The following BORCS8 variants were observed in gnomAD, a reference collection of about 807,000 sequenced individuals.
The protein encoded by BORCS8 is BLOC-1-related complex subunit 8.
BORCS8 carries 13 observed loss-of-function variants against 18.7 expected under a neutral mutation model. That is an observed-to-expected ratio of 0.70 (90% confidence interval 0.45 to 1.11). The LOEUF (loss-of-function observed/expected upper bound fraction) is 1.11, where lower values mean the gene tolerates loss of function less well. BORCS8 is among the 50% of genes least tolerant of loss of function. BORCS8 has a pLI of 0.00. For synonymous variants in BORCS8, 68 were observed against 64.8 expected, an observed-to-expected ratio of 1.05 and a Z score of -0.24; for missense variants, 165 against 165.7, an observed-to-expected ratio of 1.00 and a Z score of 0.02.
intron 1 of BORCS8, among the ~76,000 whole-genome samples, chr19:19,187,864 C>T (rs2060426102): frequency 6.8e-6 from 1 of 148,024 alleles, no homozygotes; most frequent in Non-Finnish European, 1.5e-5. Flanking sequence ...TTTTTAGAGA[C>T]AGGGTCTCGC....
rs61289082 is a variant in BORCS8, at chr19:19,177,679, AGG to A, written c.*43-221_*43-220del. The A allele has an allele frequency of 7.9e-3, 722 of 91,516 alleles. 20 individuals are homozygous for A. Among genetic ancestry groups the A allele is most frequent in the Middle Eastern group, 0.013 (3 of 228 alleles). 5.7% of individuals were successfully genotyped at this position (91,516 alleles called of 1,614,324 possible). On this transcript the variant is annotated intron_variant, in intron 5 of 5. Coordinates refer to ENST00000462790, the MANE Select transcript of BORCS8 (RefSeq NM_001145784.2). ...AAGGAAGGAAGGAAGGAAGGAAGGA[AGG>A]AAGGAAGGAAGGAAGAGAAAAGAAA...
rs2060300288 is a variant in BORCS8 at position 19,177,454 on chromosome 19, C to T, written c.*49G>A. 6.6e-6 allele frequency: 1 copy of T among 152,282 alleles called. No homozygotes were observed. Among genetic ancestry groups the T allele is most frequent in the Non-Finnish European group, 1.5e-5 (1 of 68,420 alleles). The allele number at this position is 152,282 out of a possible 1,614,324, so 9.4% of individuals were successfully genotyped here. ...ACCAGCCTAGCCAACATGGTGAAACCCCGTCTCTACAAAAAATACAAAAAA... is the reference window on the plus strand; with the variant it reads ...ACCAGCCTAGCCAACATGGTGAAACTCCGTCTCTACAAAAAATACAAAAAA... On this transcript the variant is annotated 3_prime_UTR_variant, in exon 6 of 6. Transcript: ENST00000462790.
Position 19,186,962 on chromosome 19 carries a change from C to T in BORCS8, c.81G>A (p.Glu27=). The change falls in exon 2 of 6, where the codon GAG becomes GAA. Residue 27 remains glutamate (E), a synonymous_variant. Coordinates refer to ENST00000462790, the MANE Select transcript of BORCS8 (RefSeq NM_001145784.2). ...GCAGCCGGTACAGGGCCACGGATGG[C>T]TCGTTGGCCAGGACGTAGACGCTCT... is the stretch of plus-strand genomic sequence containing the variant. ...FTESVYVLAN[E]PSVALYRLQE... The T allele has an allele frequency of 6.4e-7, 1 of 1,551,404 alleles. No individual in the cohort carries two copies. The highest frequency in any genetic ancestry group is 1.2e-5 in the South Asian group (1 of 84,056).
chr19:19,191,725 G>A (rs1174332931), intron 1 of BORCS8, among the ~76,000 whole-genome samples: 2 of 151,944 alleles, frequency 1.3e-5, no homozygotes, highest in East Asian at 3.9e-4. Flanking sequence ...GACCACAGGC[G>A]TGCGCCACCA....
chr19:19,182,569 CT>C lies in BORCS8; in HGVS notation c.326+3del. The stretch of plus-strand genomic sequence containing the variant: ...CAGTGGGGGCGGGCGGTCCCAGGAG[CT>C]ACCTGTGGCCCTGGGCACTGGCATT... On this transcript the variant is annotated splice_donor_region_variant and intron_variant, in intron 4 of 5. Coordinates refer to ENST00000462790, the MANE Select transcript of BORCS8 (RefSeq NM_001145784.2). This position sits in a 1 kb window ranked among gnomAD's most constrained non-coding sequence, Gnocchi z 4.1. The C allele has an allele frequency of 6.5e-7, 1 of 1,549,992 alleles. No individual in the cohort carries two copies.
intron 1 of BORCS8, among the ~76,000 whole-genome samples, chr19:19,190,799 AAAG>A (rs368376764): frequency 3.7e-4 from 57 of 152,254 alleles, no homozygotes; most frequent in African/African-American, 7.5e-4. Context: ...AAATAAAAAA[AAAG>A]AAGAAGAAAG....
intron 1 of BORCS8, 22 bp downstream of exon 1, chr19:19,192,059 C>T (rs900775251): frequency 2.2e-4 from 334 of 1,551,398 alleles, no homozygotes; most frequent in Non-Finnish European, 2.7e-4. Context: ...CCCCCTCTGT[C>T]CCGCCCGCAG....
At chr19:19,188,308 A>G (rs748229922) in intron 1 of BORCS8, among the ~76,000 whole-genome samples, 72 of 151,212 alleles carry the variant, frequency 4.8e-4, no homozygotes, top group Non-Finnish European at 7.7e-4. Flanking sequence ...GATTACAGGC[A>G]TGAGCCACCG....
rs150994069 is a variant in BORCS8 at position 19,184,131 on chromosome 19, T to G, written c.216-1448A>C. ...TCCTGCCGCAAGTGATCTGCCCACC[T>G]CGGCCTCCCAAAGTGCTGGGATTAC... On this transcript the variant is annotated intron_variant, in intron 3 of 5. Transcript: ENST00000462790. Among the ~76,000 whole-genome samples, 185 of 152,050 alleles carry G rather than the reference T, an allele frequency of 1.2e-3. 1 individual carries two copies. Among genetic ancestry groups the G allele is most frequent in the African/African-American group, 4.3e-3 (180 of 41,480 alleles).
intron 3 of BORCS8, 84 bp downstream of exon 3, chr19:19,185,950 G>T: frequency 7.3e-7 from 1 of 1,377,946 alleles, no homozygotes; most frequent in Non-Finnish European, 1.0e-6. Flanking sequence ...GGGCTTACTG[G>T]GCAGTTGGCT....
chr19:19,189,672 T>C (rs1041630957), intron 1 of BORCS8, among the ~76,000 whole-genome samples: 7 of 152,232 alleles, frequency 4.6e-5, no homozygotes, highest in Admixed American at 3.3e-4. Flanking sequence ...ACGCCTGTAA[T>C]CCCAGCACTT....
chr19:19,191,854 C>T (rs781217072), intron 1 of BORCS8, among the ~76,000 whole-genome samples: 3 of 152,218 alleles, frequency 2.0e-5, no homozygotes, highest in Non-Finnish European at 4.4e-5. Flanking sequence ...TACAAAGCCA[C>T]CACTCCCAGC....
In BORCS8 at chr19:19,182,454, C is replaced by A; in HGVS notation, c.326+119G>T. On this transcript the variant is annotated intron_variant, in intron 4 of 5. Transcript: ENST00000462790. This position sits in a 1 kb window ranked among gnomAD's most constrained non-coding sequence, Gnocchi z 4.1. ...CAGGACAAGAGGAGGTCACCAGACA[C>A]CAGGACAAAAGGAAAGAGACAGTTT... The A allele has an allele frequency of 6.9e-7, 1 of 1,452,324 alleles. No homozygotes were observed. The highest frequency in any genetic ancestry group is 9.1e-7 in the Non-Finnish European group (1 of 1,103,280). The allele number at this position is 1,452,324 out of a possible 1,614,324, so 90.0% of individuals were successfully genotyped here. A position where few individuals can be genotyped will look rare whatever the true frequency, so the allele number is the denominator to read the frequency against.
At chr19:19,188,257 C>T (rs1039854942) in intron 1 of BORCS8, among the ~76,000 whole-genome samples, 2 of 151,788 alleles carry the variant, frequency 1.3e-5, no homozygotes, top group Non-Finnish European at 2.9e-5. Context: ...TCTCGATCTC[C>T]TGACCTCGTG....
chr19:19,178,855 G>A (rs2060324675), intron 5 of BORCS8: 1 of 152,122 alleles, frequency 6.6e-6, no homozygotes, highest in East Asian at 1.9e-4. Flanking sequence ...ACCTACTCGG[G>A]AGGCTGAAGC....
chr19:19,177,743 G>GA (rs2060313554), intron 5 of BORCS8: 1 of 168,358 alleles, frequency 5.9e-6, no homozygotes, highest in African/African-American at 2.6e-5. Flanking sequence ...GAAAAGAAAA[G>GA]AAAAGAAAAG....
At chr19:19,191,581 G>GTT (rs949493011) in intron 1 of BORCS8, among the ~76,000 whole-genome samples, 5 of 143,216 alleles carry the variant, frequency 3.5e-5, no homozygotes, top group Non-Finnish European at 4.6e-5. Context: ...AGGTTGTTGA[G>GTT]TTTTTTTTTT....
intron 1 of BORCS8, among the ~76,000 whole-genome samples, chr19:19,189,140 A>G (rs1369521472): frequency 6.6e-6 from 1 of 152,008 alleles, no homozygotes; most frequent in Non-Finnish European, 1.5e-5. Context: ...GCCCTGATAA[A>G]TTAATTGCAC....
Position 19,177,683 on chromosome 19 carries a change from AG to A in BORCS8, c.*43-224del, listed in dbSNP as rs1336714886. 2.5e-3 allele frequency: 187 copies of A among 76,274 alleles called. 6 individuals carry two copies. In the East Asian group the frequency reaches 0.026, roughly 11 times the overall value. The allele number at this position is 76,274 out of a possible 1,614,324, so 4.7% of individuals were successfully genotyped here. On this transcript the variant is annotated intron_variant, in intron 5 of 5. Coordinates refer to ENST00000462790, the MANE Select transcript of BORCS8 (RefSeq NM_001145784.2). ...AAGGAAGGAAGGAAGGAAGGAAGGA[AG>A]GAAGGAAGGAAGAGAAAAGAAAAGA...
Sources: allele counts gnomAD v4.1 joint callset (sites outside exome capture counted in the v4.1 genomes callset), GRCh38; gene constraint gnomAD v4.1.1; non-coding constraint Gnocchi (gnomAD v3.1); transcripts MANE v1.5; gene names NCBI Gene and HGNC (gene_info 2026-07-23, HGNC 2026-07-21).